JAZF1: variants seen among roughly 807,000 people sequenced by gnomAD.
JAZF1 encodes juxtaposed with another zinc finger protein 1.
A neutral mutation model predicts 26.4 loss-of-function variants in JAZF1; 8 were observed. The ratio of observed to expected loss-of-function variants is 0.30; its 90% CI spans 0.18 to 0.55. The LOEUF (loss-of-function observed/expected upper bound fraction) is 0.55. Ranked by LOEUF, JAZF1 falls within the 20% of genes least tolerant of loss-of-function variation. The probability of loss-of-function intolerance (pLI) is 0.94; values close to 1 mark genes in which losing one functional copy is unlikely to be tolerated. For synonymous variants in JAZF1, 126 were observed against 122.3 expected, an observed-to-expected ratio of 1.03 and a Z score of -0.20; for missense variants, 199 against 322.0, an observed-to-expected ratio of 0.62 and a Z score of 2.92.
chr7:28,061,496 G>T (rs1248457213), intron 1 of JAZF1, among the ~76,000 whole-genome samples: 1 of 152,200 alleles, frequency 6.6e-6, no homozygotes, highest in Non-Finnish European at 1.5e-5. Flanking sequence ...GACCAAGAGG[G>T]AGTACAATGA....
intron 1 of JAZF1, among the ~76,000 whole-genome samples, chr7:28,039,279 A>C (rs180863318): frequency 4.7e-4 from 71 of 152,274 alleles, no homozygotes; most frequent in African/African-American, 1.6e-3. Context: ...ATACAAACAC[A>C]CACACACACC....
At chr7:28,159,889 T>A (rs2127951302) in intron 1 of JAZF1, among the ~76,000 whole-genome samples, 1 of 152,332 alleles carries the variant, frequency 6.6e-6, no homozygotes, top group East Asian at 1.9e-4. Flanking sequence ...CAAGCCCTGA[T>A]ACCCCTTATA....
chr7:28,177,444 T>C (rs895548874), intron 1 of JAZF1, among the ~76,000 whole-genome samples: 1 of 152,194 alleles, frequency 6.6e-6, no homozygotes, highest in Non-Finnish European at 1.5e-5. Flanking sequence ...ACTTTTATAA[T>C]GAAAAACACA....
At chr7:28,146,119 G>A (rs1465171953) in intron 1 of JAZF1, among the ~76,000 whole-genome samples, 1 of 152,120 alleles carries the variant, frequency 6.6e-6, no homozygotes, top group Non-Finnish European at 1.5e-5. Flanking sequence ...TGGCCACTTG[G>A]CCAGGAACAA....
intron 2 of JAZF1, among the ~76,000 whole-genome samples, chr7:27,904,568 A>G (rs1330092297): frequency 6.6e-6 from 1 of 152,214 alleles, no homozygotes; most frequent in Non-Finnish European, 1.5e-5. Flanking sequence ...TGCTTTAAAT[A>G]ATCCTATGTT....
intron 1 of JAZF1, among the ~76,000 whole-genome samples, chr7:28,025,286 C>G (rs139521025): frequency 2.6e-4 from 40 of 152,306 alleles, no homozygotes; most frequent in African/African-American, 8.9e-4. Flanking sequence ...ACCCTTTATT[C>G]TACTTTCTTC....
At chr7:27,911,964 G>GA (rs1784365804) in intron 2 of JAZF1, among the ~76,000 whole-genome samples, 1 of 152,052 alleles carries the variant, frequency 6.6e-6, no homozygotes, top group East Asian at 1.9e-4. Context: ...GTGAAGATCT[G>GA]AAATGAAAAA....
intron 1 of JAZF1, among the ~76,000 whole-genome samples, chr7:27,998,144 CAT>C (rs1333123223): frequency 1.3e-5 from 2 of 151,904 alleles, no homozygotes; most frequent in Admixed American, 6.6e-5. Flanking sequence ...AGTTAAGTGA[CAT>C]GTTTACTTAC....
chr7:27,859,355 C>T (rs1420841193), intron 3 of JAZF1, among the ~76,000 whole-genome samples: 1 of 152,152 alleles, frequency 6.6e-6, no homozygotes, highest in Non-Finnish European at 1.5e-5. Flanking sequence ...ACCATTCGAC[C>T]CAGCAATCCC....
At chr7:28,078,835 G>A (rs778378311) in intron 1 of JAZF1, among the ~76,000 whole-genome samples, 1 of 152,156 alleles carries the variant, frequency 6.6e-6, no homozygotes, top group Non-Finnish European at 1.5e-5. Flanking sequence ...TAAAGCCAGT[G>A]AAAATGTTCA....
intron 2 of JAZF1, among the ~76,000 whole-genome samples, chr7:27,955,561 TAACAAATCGTTGTTTCGTGAA>T: frequency 6.6e-6 from 1 of 152,322 alleles, no homozygotes; most frequent in Non-Finnish European, 1.5e-5. Flanking sequence ...TGTGAGTCAA[TAACAAATCGTTGTTTCGTGAA>T]ATTGGGTGCA....
chr7:27,996,899 G>A (rs1001103801), intron 1 of JAZF1, among the ~76,000 whole-genome samples: 1 of 152,188 alleles, frequency 6.6e-6, no homozygotes, highest in Non-Finnish European at 1.5e-5. Context: ...TTTTTATAAT[G>A]AGAAAATTGA....
chr7:27,993,916 G>A (rs1356733121), intron 1 of JAZF1, among the ~76,000 whole-genome samples: 1 of 152,158 alleles, frequency 6.6e-6, no homozygotes, highest in Non-Finnish European at 1.5e-5. Flanking sequence ...AAGGGGAAAA[G>A]AGGCCCATAA....
chr7:27,850,422 C>T (rs1465959916), intron 3 of JAZF1, among the ~76,000 whole-genome samples: 2 of 152,204 alleles, frequency 1.3e-5, no homozygotes, highest in Non-Finnish European at 2.9e-5. Flanking sequence ...TTCTGGTTCT[C>T]CAAGCCAGAA....
At chr7:28,092,290 C>CCAAAAAAAAAAAAAAAAAAAAAAAAA (rs1784310777) in intron 1 of JAZF1, among the ~76,000 whole-genome samples, 7 of 12,786 alleles carry the variant, frequency 5.5e-4, no homozygotes, top group African/African-American at 1.5e-3. Flanking sequence ...GGACAAAAGG[C>CCAAAAAAAAAAAAAAAAAAAAAAAAA]AAAAAAAAAA....
At chr7:28,123,849 G>A (rs1241628854) in intron 1 of JAZF1, among the ~76,000 whole-genome samples, 1 of 152,104 alleles carries the variant, frequency 6.6e-6, no homozygotes, top group African/African-American at 2.4e-5. Flanking sequence ...AAAATCAAGG[G>A]GGCAGGTAAT....
chr7:28,174,360 C>T (rs1307833224), intron 1 of JAZF1, among the ~76,000 whole-genome samples: 1 of 152,194 alleles, frequency 6.6e-6, no homozygotes, highest in Non-Finnish European at 1.5e-5. Context: ...CCTCTGGCTT[C>T]CAAACAGTCC....
intron 1 of JAZF1, among the ~76,000 whole-genome samples, chr7:28,058,889 T>A (rs1430180591): frequency 2.0e-5 from 3 of 152,214 alleles, no homozygotes; most frequent in Non-Finnish European, 4.4e-5. Context: ...ACTTCAAATG[T>A]TGGATGCAGC....
At chr7:27,884,256 G>A (rs1181506862) in intron 3 of JAZF1, among the ~76,000 whole-genome samples, 3 of 152,080 alleles carry the variant, frequency 2.0e-5, no homozygotes, top group South Asian at 2.1e-4. Flanking sequence ...CCTCAGCCCC[G>A]AGTAACTGGG....
Sources: allele counts gnomAD v4.1 joint callset (sites outside exome capture counted in the v4.1 genomes callset), GRCh38; gene constraint gnomAD v4.1.1; transcripts MANE v1.5; gene names NCBI Gene and HGNC (gene_info 2026-07-23, HGNC 2026-07-21).